Variants in SPAG16 observed in about 807,000 individuals in gnomAD.
The protein encoded by SPAG16 is sperm-associated antigen 16 protein.
In SPAG16, 86 loss-of-function variants were observed where a neutral mutation model predicts 80.4. The observed-to-expected ratio is 1.07, with a 90% CI of 0.90 to 1.28. SPAG16 has a LOEUF of 1.28. Among genes scored for constraint, SPAG16 ranks in the 50% most tolerant of loss-of-function variants. SPAG16 has a pLI of 0.00. For synonymous variants in SPAG16, 294 were observed against 265.9 expected, an observed-to-expected ratio of 1.11 and a Z score of -1.03; for missense variants, 870 against 765.3, an observed-to-expected ratio of 1.14 and a Z score of -1.61.
intron 12 of SPAG16, among the ~76,000 whole-genome samples, chr2:213,976,803 A>G (rs1463644041): frequency 6.6e-6 from 1 of 151,944 alleles, no homozygotes; most frequent in Admixed American, 6.6e-5. Flanking sequence ...AACAACTTGA[A>G]TGAGTTTGGA....
chr2:214,407,593 C>A (rs958540809), intron 15 of SPAG16, among the ~76,000 whole-genome samples: 1 of 152,054 alleles, frequency 6.6e-6, no homozygotes, highest in East Asian at 1.9e-4. Context: ...TTTTTCATTG[C>A]CAATCACCAG....
chr2:213,372,334 T>C (rs1427703945), intron 8 of SPAG16, among the ~76,000 whole-genome samples: 1 of 152,090 alleles, frequency 6.6e-6, no homozygotes, highest in Non-Finnish European at 1.5e-5. Flanking sequence ...CTTCTAGAAA[T>C]TGTAAATGCT....
chr2:213,715,877 A>C (rs1167263018), intron 10 of SPAG16, among the ~76,000 whole-genome samples: 9 of 152,108 alleles, frequency 5.9e-5, no homozygotes, highest in Admixed American at 5.9e-4. Context: ...GCAAGTGAGG[A>C]GGGTACTGGG....
intron 15 of SPAG16, among the ~76,000 whole-genome samples, chr2:214,186,195 T>C (rs1446098961): frequency 3.3e-5 from 5 of 152,128 alleles, no homozygotes. Context: ...CACATTGTCT[T>C]CCACCACAGA....
chr2:214,112,470 ACTTG>A (rs2053716939), intron 14 of SPAG16, among the ~76,000 whole-genome samples: 1 of 152,000 alleles, frequency 6.6e-6, no homozygotes, highest in African/African-American at 2.4e-5. Context: ...GTCTCAAAGG[ACTTG>A]CTTTATGAAT....
chr2:213,388,766 A>C (rs1471418719), intron 9 of SPAG16, among the ~76,000 whole-genome samples: 1 of 152,216 alleles, frequency 6.6e-6, no homozygotes, highest in African/African-American at 2.4e-5. Flanking sequence ...AGTACTTAGG[A>C]ATTTGTCAAA....
intron 12 of SPAG16, among the ~76,000 whole-genome samples, chr2:213,997,611 C>T (rs1446331554): frequency 6.6e-6 from 1 of 152,132 alleles, no homozygotes; most frequent in Non-Finnish European, 1.5e-5. Flanking sequence ...CTCATTCAAA[C>T]ATTAAAAAAT....
In SPAG16 at chr2:213,971,352, T is replaced by C. The variant is rs2045040324; in HGVS notation, c.1400+41207T>C. ...ATGCTGTTAAACCTTTTTAAATAATTGATAATTTATTAAATACTAATATAT... is the reference window on the plus strand; with the variant it reads ...ATGCTGTTAAACCTTTTTAAATAATCGATAATTTATTAAATACTAATATAT... On this transcript the variant is annotated intron_variant, in intron 12 of 15. Coordinates refer to ENST00000331683, the MANE Select transcript of SPAG16 (RefSeq NM_024532.5). 3.3e-5 allele frequency among the ~76,000 whole-genome samples: 5 copies of C among 152,154 alleles called. No homozygotes were observed. In the South Asian group the frequency reaches 1.0e-3, roughly 31 times the overall value.
intron 10 of SPAG16, among the ~76,000 whole-genome samples, chr2:213,832,564 C>G (rs2073731903): frequency 6.6e-6 from 1 of 152,252 alleles, no homozygotes; most frequent in Non-Finnish European, 1.5e-5. Flanking sequence ...TTCCTTCTCC[C>G]TTCTTCCTTG....
intron 6 of SPAG16, among the ~76,000 whole-genome samples, chr2:213,341,061 GT>G (rs1286320937): frequency 6.6e-6 from 1 of 151,988 alleles, no homozygotes; most frequent in Non-Finnish European, 1.5e-5. Flanking sequence ...TAGATTACAT[GT>G]TTTTTTCGTA....
chr2:214,029,377 A>G (rs1575882526), intron 13 of SPAG16, among the ~76,000 whole-genome samples: 1 of 152,158 alleles, frequency 6.6e-6, no homozygotes, highest in Non-Finnish European at 1.5e-5. Context: ...CTGGTAGACT[A>G]TTTGGATGAC....
chr2:213,734,569 T>C (rs2067200959), intron 10 of SPAG16, among the ~76,000 whole-genome samples: 1 of 152,222 alleles, frequency 6.6e-6, no homozygotes, highest in Non-Finnish European at 1.5e-5. Context: ...GTTTTTAGAA[T>C]TGGAATGTAT....
intron 15 of SPAG16, among the ~76,000 whole-genome samples, chr2:214,255,607 A>T (rs1360218992): frequency 6.6e-6 from 1 of 151,886 alleles, no homozygotes; most frequent in Non-Finnish European, 1.5e-5. Context: ...TCTCTACCAG[A>T]TATGGAATGT....
intron 11 of SPAG16, among the ~76,000 whole-genome samples, chr2:213,890,844 A>G (rs13407284): frequency 0.59 from 90,017 of 151,552 alleles, 28,594 homozygotes; most frequent in South Asian, 0.85. Flanking sequence ...TTGATGTGTT[A>G]AAGTTTGGCA....
intron 10 of SPAG16, among the ~76,000 whole-genome samples, chr2:213,658,091 T>TC (rs58977269): frequency 0.11 from 16,204 of 152,152 alleles, 2,119 homozygotes; most frequent in African/African-American, 0.31. Flanking sequence ...ACAATTCTGC[T>TC]ATGAGGAGGT....
chr2:213,517,912 A>G (rs550496197), intron 10 of SPAG16, among the ~76,000 whole-genome samples: 5 of 152,324 alleles, frequency 3.3e-5, no homozygotes, highest in African/African-American at 9.6e-5. Context: ...TTTTTGGACT[A>G]AGGCACCAAA....
At chr2:214,249,472 G>A (rs1690092557) in intron 15 of SPAG16, among the ~76,000 whole-genome samples, 1 of 151,990 alleles carries the variant, frequency 6.6e-6, no homozygotes, top group Admixed American at 6.6e-5. Flanking sequence ...GAAGGAAGAG[G>A]ACATGGGGAG....
At chr2:213,723,900 A>G (rs956495839) in intron 10 of SPAG16, among the ~76,000 whole-genome samples, 1 of 152,228 alleles carries the variant, frequency 6.6e-6, no homozygotes, top group African/African-American at 2.4e-5. Flanking sequence ...TTTATTTACC[A>G]GGAAGTGCCT....
intron 14 of SPAG16, among the ~76,000 whole-genome samples, chr2:214,133,434 A>C (rs1346944630): frequency 1.3e-5 from 2 of 152,088 alleles, no homozygotes; most frequent in Non-Finnish European, 2.9e-5. Context: ...CGAGGAAGGC[A>C]GATCACTTAA....
Sources: gnomAD v4.1 joint callset for allele counts (sites outside exome capture counted in the v4.1 genomes callset) on GRCh38, gnomAD v4.1.1 for gene constraint, MANE v1.5 for transcripts, NCBI Gene and HGNC (gene_info 2026-07-23, HGNC 2026-07-21) for gene names.